HS3ST6: variants seen among roughly 807,000 people sequenced by gnomAD.
HS3ST6 encodes the protein heparan sulfate glucosamine 3-O-sulfotransferase 6.
HS3ST6 carries 13 observed loss-of-function variants against 11.0 expected under a neutral mutation model. That is an observed-to-expected ratio of 1.18 (90% confidence interval 0.77 to 1.88). HS3ST6 has a LOEUF of 1.88. Ranked by LOEUF, HS3ST6 falls within the 40% of genes most tolerant of loss-of-function variation. The pLI, the probability that HS3ST6 is intolerant of heterozygous loss-of-function variation, is 0.00. For synonymous variants in HS3ST6, 232 were observed against 230.6 expected (o/e 1.01, Z -0.06); for missense variants, 541 against 494.4 (o/e 1.09, Z -0.89).
At position 1,911,830 on chromosome 16, in the gene HS3ST6, C is replaced by A; in HGVS notation, c.789G>T (p.Val263=). 1.2e-6 allele frequency: 2 copies of A among 1,613,378 alleles called. No individual in the cohort carries two copies. The highest frequency in any genetic ancestry group is 1.7e-6 in the Non-Finnish European group (2 of 1,179,560). Residue 263 remains valine (V), a synonymous_variant, in exon 2 of 2, where the codon GTG becomes GTT. Transcript: ENST00000454677. ...VSDPAGEVGR[V]QDFLGLKRVV... The stretch of plus-strand genomic sequence containing the variant: ...CCCGTTTCAGGCCCAGGAAGTCCTG[C>A]ACGCGGCCGACCTCTCCGGCCGGGT...
chr16:1,916,861 G>A (rs1055064670), intron 1 of HS3ST6, among the ~76,000 whole-genome samples: 3 of 150,542 alleles, frequency 2.0e-5, no homozygotes, highest in Non-Finnish European at 1.5e-5. Flanking sequence ...CCTGCCTGCC[G>A]TCAGGGGAGT....
rs760978161 is a variant in HS3ST6, at chr16:1,911,687, C to T, written c.932G>A (p.Arg311His). The T allele has an allele frequency of 2.5e-6, 4 of 1,611,890 alleles. No homozygotes were observed. Among genetic ancestry groups the T allele is most frequent in the South Asian group, 2.2e-5 (2 of 90,960 alleles). ...LGKSKGRPHP[R>H]VPQALVRRLQ... ...GCGCCGGACCAGGGCCTGGGGCACG[C>T]GTGGGTGTGGCCGGCCCTTGGACTT... The change falls in exon 2 of 2, where the codon CGC (arginine) becomes CAC (histidine). Residue 311 changes from arginine to histidine, a missense_variant. Arg to His is a conservative substitution (Grantham distance 29, BLOSUM62 0). Transcript: ENST00000454677.
chr16:1,913,543 G>T (rs1293511405), intron 1 of HS3ST6, among the ~76,000 whole-genome samples: 1 of 152,214 alleles, frequency 6.6e-6, no homozygotes, highest in Non-Finnish European at 1.5e-5. Context: ...AAACAGCTCG[G>T]AGGGAGAGCT....
intron 1 of HS3ST6, among the ~76,000 whole-genome samples, chr16:1,915,869 C>T (rs952885627): frequency 1.8e-4 from 28 of 152,000 alleles, no homozygotes; most frequent in African/African-American, 6.7e-4. Flanking sequence ...GCCGAGGCCA[C>T]AGGAAGGCCG....
intron 1 of HS3ST6, among the ~76,000 whole-genome samples, chr16:1,917,043 G>A (rs2082930847): frequency 6.6e-6 from 1 of 152,076 alleles, no homozygotes; most frequent in Non-Finnish European, 1.5e-5. Context: ...CTTCCTGCCT[G>A]CCCTCCAAAC....
Position 1,911,926 on chromosome 16 carries a change from G to A in HS3ST6, c.693C>T (p.His231=), listed in dbSNP as rs535884053. 6 of 1,598,804 alleles carry A rather than the reference G, an allele frequency of 3.8e-6. No homozygotes were observed. The highest frequency in any genetic ancestry group is 3.4e-6 in the Non-Finnish European group (4 of 1,171,414). The stretch of plus-strand genomic sequence containing the variant: ...GGAAGTAGCGCAGCCAGTGGTCCAG[G>A]TGCTGGGCGTACAGGCCGATGCGGA... The part of the protein sequence containing the change: ...SAVRIGLYAQ[H]LDHWLRYFPL... The change falls in exon 2 of 2, where the codon CAC becomes CAT. Residue 231 remains histidine, a synonymous_variant. Transcript: ENST00000454677.
chr16:1,912,617 C>T lies in HS3ST6; in HGVS notation c.414-412G>A, dbSNP rs1416344046. On this transcript the variant is annotated intron_variant, in intron 1 of 1. Coordinates refer to ENST00000454677, the MANE Select transcript of HS3ST6 (RefSeq NM_001009606.4). The surrounding 1 kb of genome is among the most constrained non-coding windows in gnomAD (Gnocchi z 5.6). ...ACTAGGCTGCCCCCAGCTCCTTTCT[C>T]ATCCCAGACCAAGTACCCCGAGGCC... 2.6e-5 allele frequency among the ~76,000 whole-genome samples: 4 copies of T among 152,120 alleles called. No individual in the cohort carries two copies. Among genetic ancestry groups the T allele is most frequent in the African/African-American group, 7.2e-5 (3 of 41,414 alleles).
At chr16:1,917,035 T>G (rs2082930829) in intron 1 of HS3ST6, among the ~76,000 whole-genome samples, 1 of 152,008 alleles carries the variant, frequency 6.6e-6, no homozygotes, top group Non-Finnish European at 1.5e-5. Context: ...CGGAGCCCCT[T>G]CCTGCCTGCC....
intron 1 of HS3ST6, among the ~76,000 whole-genome samples, chr16:1,917,449 C>T (rs2082933443): frequency 2.0e-5 from 3 of 152,138 alleles, no homozygotes; most frequent in South Asian, 2.1e-4. Context: ...TGCGCAGACT[C>T]GGGGGTCTTG....
chr16:1,919,800 T>A (rs917159336), upstream of HS3ST6, among the ~76,000 whole-genome samples: 1 of 152,214 alleles, frequency 6.6e-6, no homozygotes, highest in East Asian at 1.9e-4. Context: ...CAGCCCCGGC[T>A]CCAGACATGC....
At position 1,911,693 on chromosome 16, in the gene HS3ST6, T is replaced by C. The variant is rs1190916277; in HGVS notation, c.926A>G (p.His309Arg). 1 of 1,611,904 alleles carries C rather than the reference T, an allele frequency of 6.2e-7. No individual in the cohort carries two copies. The highest frequency in any genetic ancestry group is 8.5e-7 in the Non-Finnish European group (1 of 1,179,064). Reference protein sequence around the residue: ...RCLGKSKGRPHPRVPQALVRR... With the variant: ...RCLGKSKGRPRPRVPQALVRR... ...GACCAGGGCCTGGGGCACGCGTGGGTGTGGCCGGCCCTTGGACTTGCCCAG... is the reference window on the plus strand; with the variant it reads ...GACCAGGGCCTGGGGCACGCGTGGGCGTGGCCGGCCCTTGGACTTGCCCAG... The change falls in exon 2 of 2, where the codon CAC (histidine) becomes CGC (arginine). Residue 309 changes from histidine to arginine, a missense_variant. By Grantham distance (29) the His-to-Arg change is conservative. Coordinates refer to ENST00000454677, the MANE Select transcript of HS3ST6 (RefSeq NM_001009606.4).
rs1020407650 is a variant in HS3ST6 at position 1,912,472 on chromosome 16, T to A, written c.414-267A>T. Among the ~76,000 whole-genome samples the A allele has an allele frequency of 2.6e-5, 4 of 152,058 alleles. No individual in the cohort carries two copies. Among genetic ancestry groups the A allele is most frequent in the Non-Finnish European group, 4.4e-5 (3 of 67,988 alleles). Reference sequence around the variant, plus strand: ...CCTGCTGCTGCACTGAGGATTAGGGTGACGGTCGCTGGTCGGGAGGCCCAA... The same window carrying A: ...CCTGCTGCTGCACTGAGGATTAGGGAGACGGTCGCTGGTCGGGAGGCCCAA... On this transcript the variant is annotated intron_variant, in intron 1 of 1. Transcript: ENST00000454677. The surrounding 1 kb of genome is among the most constrained non-coding windows in gnomAD (Gnocchi z 5.6).
In HS3ST6 at chr16:1,918,221, C is replaced by A. The variant is rs1373643782; in HGVS notation, c.103G>T (p.Val35Leu). ...CAGTAGGCGCCGAGCACCAGGGCCA[C>A]GAGCAGCATCGGCGCGCGGGACGCC... is the stretch of plus-strand genomic sequence containing the variant. ...LRASRAPMLL[V>L]ALVLGAYCLC... The change falls in exon 1 of 2, where the codon GTG becomes TTG. Residue 35 changes from valine to leucine, a missense_variant. Coordinates refer to ENST00000454677, the MANE Select transcript of HS3ST6 (RefSeq NM_001009606.4). This position sits in a 1 kb window ranked among gnomAD's most constrained non-coding sequence, Gnocchi z 6.0. The A allele has an allele frequency of 9.6e-7, 1 of 1,043,196 alleles. No homozygotes were observed. Among genetic ancestry groups the A allele is most frequent in the Non-Finnish European group, 1.1e-6 (1 of 869,926 alleles). The allele number at this position is 1,043,196 out of a possible 1,614,324, so 64.6% of individuals were successfully genotyped here. A position where few individuals can be genotyped will look rare whatever the true frequency, so the allele number is the denominator to read the frequency against.
At chr16:1,914,516 T>A (rs1307359625) in intron 1 of HS3ST6, among the ~76,000 whole-genome samples, 2 of 152,114 alleles carry the variant, frequency 1.3e-5, no homozygotes, top group African/African-American at 4.8e-5. Context: ...TTCCCTCCCG[T>A]CTCGGGCATA....
rs940751889 is a variant in HS3ST6 at position 1,912,500 on chromosome 16, G to C, written c.414-295C>G. Among the ~76,000 whole-genome samples, 3 of 152,120 alleles carry C rather than the reference G, an allele frequency of 2.0e-5. No homozygotes were observed. The highest frequency in any genetic ancestry group is 4.8e-5 in the African/African-American group (2 of 41,436). On this transcript the variant is annotated intron_variant, in intron 1 of 1. Coordinates refer to ENST00000454677, the MANE Select transcript of HS3ST6 (RefSeq NM_001009606.4). This position sits in a 1 kb window ranked among gnomAD's most constrained non-coding sequence, Gnocchi z 5.6. Reference sequence around the variant, plus strand: ...CGGTCGCTGGTCGGGAGGCCCAAATGCTCCTCACCACCCACATATCTTCCC... The same window carrying C: ...CGGTCGCTGGTCGGGAGGCCCAAATCCTCCTCACCACCCACATATCTTCCC...
At position 1,911,479 on chromosome 16, in the gene HS3ST6, G is replaced by C; in HGVS notation, c.*111C>G. On this transcript the variant is annotated 3_prime_UTR_variant, in exon 2 of 2. Coordinates refer to ENST00000454677, the MANE Select transcript of HS3ST6 (RefSeq NM_001009606.4). Reference sequence around the variant, plus strand: ...ACCTCGAGGTTTGTGGAAAAATCTGGGTCCAAGCTTTATTTCTTAAATATT... The same window carrying C: ...ACCTCGAGGTTTGTGGAAAAATCTGCGTCCAAGCTTTATTTCTTAAATATT... 1 of 1,308,390 alleles carries C rather than the reference G, an allele frequency of 7.6e-7. No homozygotes were observed. Among genetic ancestry groups the C allele is most frequent in the Non-Finnish European group, 1.0e-6 (1 of 985,724 alleles). 81.0% of individuals were successfully genotyped at this position (1,308,390 alleles called of 1,614,324 possible).
chr16:1,912,846 T>C lies in HS3ST6; in HGVS notation c.414-641A>G, dbSNP rs964405794. On this transcript the variant is annotated intron_variant, in intron 1 of 1. Transcript: ENST00000454677. This position sits in a 1 kb window ranked among gnomAD's most constrained non-coding sequence, Gnocchi z 5.6. ...TTGCTCTGTCACCCAGGCTGGAGTG[T>C]AGTGGTGCAATCTCGGCTCACTGCA... is the stretch of plus-strand genomic sequence containing the variant. Among the ~76,000 whole-genome samples, 6 of 152,086 alleles carry C rather than the reference T, an allele frequency of 3.9e-5. No individual in the cohort carries two copies. The highest frequency in any genetic ancestry group is 7.4e-5 in the Non-Finnish European group (5 of 68,010).
chr16:1,915,897 A>T (rs2082922485), intron 1 of HS3ST6, among the ~76,000 whole-genome samples: 1 of 135,910 alleles, frequency 7.4e-6, no homozygotes, highest in Non-Finnish European at 1.6e-5. Context: ...GCCTGGAACT[A>T]GGTCGGTCAC....
At chr16:1,915,971 C>T (rs1034336760) in intron 1 of HS3ST6, among the ~76,000 whole-genome samples, 4 of 152,216 alleles carry the variant, frequency 2.6e-5, no homozygotes, top group Admixed American at 6.5e-5. Context: ...CTCGCCTCCC[C>T]GCGTCGGCAC....
Sources: gnomAD v4.1 joint callset for allele counts (sites outside exome capture counted in the v4.1 genomes callset) on GRCh38, gnomAD v4.1.1 for gene constraint, Gnocchi (gnomAD v3.1) non-coding constraint, MANE v1.5 for transcripts, NCBI Gene and HGNC (gene_info 2026-07-23, HGNC 2026-07-21) for gene names.